MICAL3: variants seen among roughly 807,000 people sequenced by gnomAD.
The protein encoded by MICAL3 is [F-actin]-monooxygenase MICAL3.
Under a neutral mutation model 207.4 loss-of-function variants are expected in MICAL3, and 62 were observed. The ratio of observed to expected loss-of-function variants is 0.30; its 90% CI spans 0.24 to 0.37. The LOEUF (loss-of-function observed/expected upper bound fraction) is 0.37. Ranked by LOEUF, MICAL3 falls within the 10% of genes least tolerant of loss-of-function variation. The pLI is 1.00. For missense variants in MICAL3, 2,368 were observed against 2,635.6 expected, an observed-to-expected ratio of 0.90 and a Z score of 2.22; for synonymous variants, 1,077 against 1,069.3, an observed-to-expected ratio of 1.01 and a Z score of -0.14.
intron 1 of MICAL3, among the ~76,000 whole-genome samples, chr22:17,927,293 T>C (rs1234100616): frequency 6.6e-6 from 1 of 152,220 alleles, no homozygotes. Context: ...AATAATTCCA[T>C]TGTAGTCCAC....
intron 29 of MICAL3, among the ~76,000 whole-genome samples, chr22:17,799,262 G>A (rs757401440): frequency 3.3e-5 from 5 of 152,128 alleles, no homozygotes; most frequent in Non-Finnish European, 7.3e-5. Context: ...CACGCCTGTA[G>A]TCCCAGCTAC....
At chr22:17,963,353 T>C (rs907927876) in intron 1 of MICAL3, among the ~76,000 whole-genome samples, 5 of 152,084 alleles carry the variant, frequency 3.3e-5, no homozygotes, top group Admixed American at 6.6e-5. Context: ...AGGAAGACTG[T>C]TAGGGACACC....
chr22:17,906,861 G>T lies in MICAL3; in HGVS notation c.-49C>A. 1 of 1,508,378 alleles carries T rather than the reference G, an allele frequency of 6.6e-7. No homozygotes were observed. Among genetic ancestry groups the T allele is most frequent in the Non-Finnish European group, 8.9e-7 (1 of 1,121,934 alleles). The allele number at this position is 1,508,378 out of a possible 1,614,324, so 93.4% of individuals were successfully genotyped here. A position where few individuals can be genotyped will look rare whatever the true frequency, so the allele number is the denominator to read the frequency against. ...CAGAGGGGGAGGTGGGATGGCTGTGGGTCCACCTGACACTGTCACGTTAAT... is the reference window on the plus strand; with the variant it reads ...CAGAGGGGGAGGTGGGATGGCTGTGTGTCCACCTGACACTGTCACGTTAAT... On this transcript the variant is annotated 5_prime_UTR_variant, in exon 2 of 32. Coordinates refer to ENST00000441493, the MANE Select transcript of MICAL3 (RefSeq NM_015241.3).
chr22:17,843,090 C>T (rs1288011785), intron 19 of MICAL3, among the ~76,000 whole-genome samples: 6 of 132,076 alleles, frequency 4.5e-5, no homozygotes, highest in Non-Finnish European at 4.6e-5. Context: ...CACTGCACTC[C>T]AGCCTGGGTG....
chr22:17,854,627 CA>C (rs1353952052), intron 19 of MICAL3, among the ~76,000 whole-genome samples: 2 of 152,200 alleles, frequency 1.3e-5, no homozygotes, highest in African/African-American at 4.8e-5. Context: ...ACCTGCACCC[CA>C]AGTAGCTGCA....
At chr22:18,000,894 A>G (rs142489892) in intron 1 of MICAL3, among the ~76,000 whole-genome samples, 3,543 of 152,280 alleles carry the variant, frequency 0.023, 57 homozygotes, top group South Asian at 0.047. Flanking sequence ...CCGCGGAGGC[A>G]GGACCCGGCG....
intron 19 of MICAL3, chr22:17,864,364 A>T: frequency 7.9e-7 from 1 of 1,273,490 alleles, no homozygotes; most frequent in Non-Finnish European, 1.0e-6. Flanking sequence ...GCCACAGCTC[A>T]TCCACACACA....
chr22:17,893,083 C>T (rs964846849), intron 11 of MICAL3, among the ~76,000 whole-genome samples: 3 of 152,204 alleles, frequency 2.0e-5, no homozygotes, highest in African/African-American at 4.8e-5. Context: ...ATCACCTCTT[C>T]GAGGCCGCAC....
At chr22:17,855,274 T>A (rs976188465) in intron 19 of MICAL3, among the ~76,000 whole-genome samples, 1 of 152,132 alleles carries the variant, frequency 6.6e-6, no homozygotes, top group Non-Finnish European at 1.5e-5. Flanking sequence ...TACAAAATCA[T>A]CCCTTCCTTC....
intron 1 of MICAL3, among the ~76,000 whole-genome samples, chr22:18,015,197 A>G (rs1923976660): frequency 6.6e-6 from 1 of 152,088 alleles, no homozygotes; most frequent in Admixed American, 6.5e-5. Context: ...GAAAACCCAC[A>G]CAGCTTGGAT....
At chr22:17,918,218 C>A (rs1932660082) in intron 1 of MICAL3, among the ~76,000 whole-genome samples, 1 of 152,052 alleles carries the variant, frequency 6.6e-6, no homozygotes. Context: ...GAGTTCGAGG[C>A]TGCAGTGAGC....
chr22:17,828,403 G>T (rs1339060811), intron 21 of MICAL3, among the ~76,000 whole-genome samples: 1 of 152,238 alleles, frequency 6.6e-6, no homozygotes, highest in Non-Finnish European at 1.5e-5. Context: ...GCTGCTGCTG[G>T]AGAGAAAAAG....
rs1924409116 is a variant in MICAL3, at chr22:18,020,645, A to G, written c.-75+3636T>C. On this transcript the variant is annotated intron_variant, in intron 1 of 31. Transcript: ENST00000441493. ...AAAAAAAAAAAAATAGGCTGGGTGCAGTGGCTCACACCTGTAATCCCAGCA... is the reference window on the plus strand; with the variant it reads ...AAAAAAAAAAAAATAGGCTGGGTGCGGTGGCTCACACCTGTAATCCCAGCA... Among the ~76,000 whole-genome samples the G allele has an allele frequency of 2.9e-5, 4 of 139,578 alleles. 1 individual carries two copies. In the South Asian group the frequency reaches 8.9e-4, roughly 31 times the overall value. 91.6% of individuals were successfully genotyped at this position (139,578 alleles called of 152,430 possible). A position where few individuals can be genotyped will look rare whatever the true frequency, so the allele number is the denominator to read the frequency against.
chr22:17,854,204 T>C (rs1424336645), intron 19 of MICAL3, among the ~76,000 whole-genome samples: 1 of 130,402 alleles, frequency 7.7e-6, no homozygotes, highest in Non-Finnish European at 1.5e-5. Context: ...GGAGACATTT[T>C]CTGTTGACAC....
chr22:17,828,562 G>A (rs898190661), intron 21 of MICAL3, among the ~76,000 whole-genome samples: 8 of 152,172 alleles, frequency 5.3e-5, no homozygotes, highest in East Asian at 1.9e-4. Context: ...TTTCACAGGC[G>A]AGAATGAGAC....
At chr22:17,803,887 G>A in intron 29 of MICAL3, 1 of 979,180 alleles carries the variant, frequency 1.0e-6, no homozygotes, top group Non-Finnish European at 1.2e-6. Context: ...GGTGAAGAGA[G>A]AGTTATTCCA....
chr22:17,939,412 C>T lies in MICAL3; in HGVS notation c.-74-32526G>A, dbSNP rs140962760. 8.9e-3 allele frequency among the ~76,000 whole-genome samples: 1,350 copies of T among 152,326 alleles called. 21 individuals carry two copies. The highest frequency in any genetic ancestry group is 0.03 in the African/African-American group (1,245 of 41,566). The stretch of plus-strand genomic sequence containing the variant: ...GTCACACACCAGCTGAGGACCAGTG[C>T]CACAAAGAAGAAGGGCTGCACCTCC... On this transcript the variant is annotated intron_variant, in intron 1 of 31. Transcript: ENST00000441493.
chr22:17,855,756 G>A (rs1000574955), intron 19 of MICAL3, among the ~76,000 whole-genome samples: 2 of 152,188 alleles, frequency 1.3e-5, no homozygotes, highest in African/African-American at 4.8e-5. Context: ...TCTTTCCAGA[G>A]GCACATTCCC....
At chr22:17,919,246 T>C (rs28406897) in intron 1 of MICAL3, among the ~76,000 whole-genome samples, 32,840 of 152,004 alleles carry the variant, frequency 0.22, 3,758 homozygotes, top group Middle Eastern at 0.28. Flanking sequence ...TTTTTACTTG[T>C]AGAGATAGGG....
Sources: allele counts gnomAD v4.1 joint callset (sites outside exome capture counted in the v4.1 genomes callset), GRCh38; gene constraint gnomAD v4.1.1; transcripts MANE v1.5; gene names NCBI Gene and HGNC (gene_info 2026-07-23, HGNC 2026-07-21).